The following GUCA1C variants were observed in gnomAD, a reference collection of about 807,000 sequenced individuals.
The protein encoded by GUCA1C is guanylyl cyclase-activating protein 3.
A neutral mutation model predicts 16.2 loss-of-function variants in GUCA1C; 15 were observed. The ratio of observed to expected loss-of-function variants is 0.93; its 90% confidence interval spans 0.62 to 1.43. The LOEUF (loss-of-function observed/expected upper bound fraction) is 1.43. GUCA1C is among the 40% of genes most tolerant of loss of function. The pLI, the probability that GUCA1C is intolerant of heterozygous loss-of-function variation, is 0.00. For missense variants in GUCA1C, 275 were observed against 244.8 expected (o/e 1.12, Z -0.82); for synonymous variants, 78 against 85.4 (o/e 0.91, Z 0.48).
chr3:108,908,127 G>T lies in GUCA1C; in HGVS notation c.525C>A (p.Phe175Leu). 6.2e-7 allele frequency: 1 copy of T among 1,613,632 alleles called. No homozygotes were observed. Among genetic ancestry groups the T allele is most frequent in the South Asian group, 1.1e-5 (1 of 91,062 alleles). ...TACAGATTACTCTCAGCACATTGGA[G>T]AAGTCGAAGCTCTTGTAAACAATCT... ...LLEIVYKSFD[F>L]SNVLRVICNG... The change falls in exon 4 of 4, where the codon TTC (phenylalanine) becomes TTA (leucine). Residue 175 changes from phenylalanine (F) to leucine (L), a missense_variant. Coordinates refer to ENST00000261047, the MANE Select transcript of GUCA1C (RefSeq NM_005459.4).
intron 1 of GUCA1C, among the ~76,000 whole-genome samples, chr3:108,948,114 T>C (rs1946860718): frequency 6.6e-6 from 1 of 152,178 alleles, no homozygotes; most frequent in South Asian, 2.1e-4. Flanking sequence ...CCTCTTTCCC[T>C]GTTTGTTGAT....
At chr3:108,941,101 T>C (rs1021938062) in intron 1 of GUCA1C, among the ~76,000 whole-genome samples, 1 of 152,138 alleles carries the variant, frequency 6.6e-6, no homozygotes, top group Non-Finnish European at 1.5e-5. Flanking sequence ...TCTGCTACAT[T>C]AAAGCTAAGA....
intron 1 of GUCA1C, among the ~76,000 whole-genome samples, chr3:108,934,883 A>G (rs1408173254): frequency 4.8e-5 from 6 of 126,100 alleles, no homozygotes; most frequent in South Asian, 4.8e-4. Flanking sequence ...GCGCTATCTC[A>G]GCTCACTGCA....
chr3:108,931,975 C>T (rs554114250), intron 1 of GUCA1C, among the ~76,000 whole-genome samples: 28 of 151,238 alleles, frequency 1.9e-4, no homozygotes, highest in African/African-American at 6.1e-4. Context: ...CTCAGCCTCC[C>T]GAGTAACTGG....
At chr3:108,951,040 T>TA (rs1946891589) in intron 1 of GUCA1C, among the ~76,000 whole-genome samples, 1 of 151,870 alleles carries the variant, frequency 6.6e-6, no homozygotes. Context: ...TTTCCATCTA[T>TA]AGCACATAAA....
At position 108,953,795 on chromosome 3, in the gene GUCA1C, T is replaced by A; in HGVS notation, c.-33A>T. On this transcript the variant is annotated 5_prime_UTR_variant, in exon 1 of 4. Coordinates refer to ENST00000261047, the MANE Select transcript of GUCA1C (RefSeq NM_005459.4). ...CACAGTCTACAGCTTTTCCTCAGGT[T>A]GTTTTCACTTAAGTTTTTGCTGGAT... 1 of 1,518,330 alleles carries A rather than the reference T, an allele frequency of 6.6e-7. No individual in the cohort carries two copies. Among genetic ancestry groups the A allele is most frequent in the Non-Finnish European group, 9.1e-7 (1 of 1,093,198 alleles). The allele number at this position is 1,518,330 out of a possible 1,614,324, so 94.1% of individuals were successfully genotyped here. A position where few individuals can be genotyped will look rare whatever the true frequency, so the allele number is the denominator to read the frequency against.
chr3:108,925,105 AT>A (rs35186519), intron 1 of GUCA1C, among the ~76,000 whole-genome samples: 66,356 of 147,870 alleles, frequency 0.45, 14,775 homozygotes, highest in Non-Finnish European at 0.46. Flanking sequence ...TACCTTTTGT[AT>A]TTTTTTTTTT....
chr3:108,953,548 A>T lies in GUCA1C; in HGVS notation c.204+11T>A, dbSNP rs1453296458. 1 of 1,543,648 alleles carries T rather than the reference A, an allele frequency of 6.5e-7. No individual in the cohort carries two copies. The highest frequency in any genetic ancestry group is 9.0e-7 in the Non-Finnish European group (1 of 1,116,248). On this transcript the variant is annotated intron_variant, in intron 1 of 3. Transcript: ENST00000261047. ...GCATTTTCAAATGAAATGAAAAATG[A>T]AAGATCTTACCTTGTTCGTGTCAAA...
At chr3:108,922,076 T>C (rs376050982) in intron 1 of GUCA1C, among the ~76,000 whole-genome samples, 1 of 152,232 alleles carries the variant, frequency 6.6e-6, no homozygotes, top group East Asian at 1.9e-4. Flanking sequence ...CCTCTACTTT[T>C]TTCCAGGTTG....
At chr3:108,938,520 G>T (rs1261728843) in intron 1 of GUCA1C, among the ~76,000 whole-genome samples, 2 of 152,100 alleles carry the variant, frequency 1.3e-5, no homozygotes, top group Admixed American at 6.5e-5. Context: ...GCAATATAAG[G>T]TCCTTTCAGA....
chr3:108,919,652 G>C (rs987445512), intron 2 of GUCA1C, among the ~76,000 whole-genome samples: 2 of 152,044 alleles, frequency 1.3e-5, no homozygotes, highest in African/African-American at 4.8e-5. Context: ...TATAAAAGTA[G>C]TTCTACTCAC....
At chr3:108,921,646 T>C (rs951034037) in intron 1 of GUCA1C, among the ~76,000 whole-genome samples, 17 of 152,214 alleles carry the variant, frequency 1.1e-4, no homozygotes, top group African/African-American at 4.1e-4. Flanking sequence ...AGGTGTGTAG[T>C]GGTATCTCCT....
intron 3 of GUCA1C, among the ~76,000 whole-genome samples, chr3:108,908,972 T>A (rs6781557): frequency 8.6e-4 from 131 of 152,306 alleles, no homozygotes; most frequent in Middle Eastern, 6.8e-3. Flanking sequence ...AAAGAGACTG[T>A]ACCCAGGGGA....
At chr3:108,927,729 G>T (rs990634740) in intron 1 of GUCA1C, among the ~76,000 whole-genome samples, 2 of 152,106 alleles carry the variant, frequency 1.3e-5, no homozygotes, top group Admixed American at 6.5e-5. Flanking sequence ...CTATTTTGCA[G>T]TTCAGAGATT....
At chr3:108,916,416 A>G (rs1946512330) in intron 2 of GUCA1C, among the ~76,000 whole-genome samples, 1 of 152,212 alleles carries the variant, frequency 6.6e-6, no homozygotes, top group Non-Finnish European at 1.5e-5. Context: ...AACTGAATAA[A>G]GACTGAAGCC....
At chr3:108,948,028 T>C (rs1451882365) in intron 1 of GUCA1C, among the ~76,000 whole-genome samples, 1 of 152,216 alleles carries the variant, frequency 6.6e-6, no homozygotes, top group Non-Finnish European at 1.5e-5. Context: ...CTGGGCTTTC[T>C]GCATATAGCT....
chr3:108,908,548 T>C (rs548503208), intron 3 of GUCA1C, among the ~76,000 whole-genome samples: 1 of 152,182 alleles, frequency 6.6e-6, no homozygotes. Context: ...CTTAGGAGCA[T>C]GACAGATTGG....
chr3:108,925,999 A>G (rs1946619976), intron 1 of GUCA1C, among the ~76,000 whole-genome samples: 1 of 152,132 alleles, frequency 6.6e-6, no homozygotes, highest in Non-Finnish European at 1.5e-5. Flanking sequence ...AGGCAGGAGA[A>G]TCGTTTGAAC....
At chr3:108,949,383 C>A (rs1482631437) in intron 1 of GUCA1C, among the ~76,000 whole-genome samples, 1 of 152,132 alleles carries the variant, frequency 6.6e-6, no homozygotes, top group Non-Finnish European at 1.5e-5. Context: ...GTGTCCTAGG[C>A]ACTCCTGCAA....
Sources: gnomAD v4.1 joint callset for allele counts (sites outside exome capture counted in the v4.1 genomes callset) on GRCh38, gnomAD v4.1.1 for gene constraint, MANE v1.5 for transcripts, NCBI Gene and HGNC (gene_info 2026-07-23, HGNC 2026-07-21) for gene names.